The following NXN variants were observed in gnomAD, a reference collection of about 807,000 sequenced individuals.
NXN encodes the protein nucleoredoxin.
A neutral mutation model predicts 48.6 loss-of-function variants in NXN; 16 were observed. The ratio of observed to expected loss-of-function variants is 0.33; its 90% CI spans 0.22 to 0.50. The LOEUF is 0.50. NXN is among the 20% of genes least tolerant of loss of function. NXN has a pLI of 0.98. For synonymous variants in NXN, 281 were observed against 269.6 expected (o/e 1.04, Z -0.41); for missense variants, 492 against 605.5 (o/e 0.81, Z 1.97).
intron 1 of NXN, among the ~76,000 whole-genome samples, chr17:939,927 C>G (rs958916436): frequency 6.7e-6 from 1 of 148,662 alleles, no homozygotes; most frequent in African/African-American, 2.5e-5. Flanking sequence ...GCAGTCAACT[C>G]CCGCTTCCAG....
intron 6 of NXN, 56 bp downstream of exon 6, chr17:805,012 C>T (rs981156423): frequency 3.3e-6 from 5 of 1,513,258 alleles, no homozygotes; most frequent in Non-Finnish European, 4.5e-6. Flanking sequence ...CAAGTGAGGC[C>T]CCTCCTGTCC....
At chr17:833,848 C>T (rs1238501564) in intron 1 of NXN, among the ~76,000 whole-genome samples, 2 of 151,904 alleles carry the variant, frequency 1.3e-5, no homozygotes, top group South Asian at 2.1e-4. Context: ...CAGGATCTGC[C>T]GAAAACCTAA....
chr17:841,782 G>A (rs902875591), intron 1 of NXN, among the ~76,000 whole-genome samples: 1 of 151,978 alleles, frequency 6.6e-6, no homozygotes, highest in Non-Finnish European at 1.5e-5. Context: ...GTGCGGCAAA[G>A]GCACAAACTG....
intron 1 of NXN, among the ~76,000 whole-genome samples, chr17:950,094 C>T (rs1317438570): frequency 6.6e-6 from 1 of 152,158 alleles, no homozygotes; most frequent in Non-Finnish European, 1.5e-5. Flanking sequence ...GAAGGCAGTT[C>T]CATCCACCTT....
intron 1 of NXN, among the ~76,000 whole-genome samples, chr17:954,091 C>T (rs2069141354): frequency 6.6e-6 from 1 of 152,180 alleles, no homozygotes; most frequent in African/African-American, 2.4e-5. Flanking sequence ...ACGATTCTCA[C>T]TCCTGGCCAG....
chr17:813,816 A>G (rs936138670), intron 5 of NXN, among the ~76,000 whole-genome samples: 8 of 152,074 alleles, frequency 5.3e-5, no homozygotes, highest in Admixed American at 4.6e-4. Flanking sequence ...AAATACAAAA[A>G]TTAGCTGGGC....
intron 1 of NXN, among the ~76,000 whole-genome samples, chr17:973,389 C>A (rs1336465948): frequency 6.6e-6 from 1 of 152,212 alleles, no homozygotes; most frequent in Non-Finnish European, 1.5e-5. Flanking sequence ...GCGGAAGACA[C>A]ACCTAATAGC....
At chr17:829,320 A>G (rs1262015938) in intron 1 of NXN, among the ~76,000 whole-genome samples, 2 of 151,482 alleles carry the variant, frequency 1.3e-5, no homozygotes, top group Non-Finnish European at 2.9e-5. Flanking sequence ...CTTGCCGGCT[A>G]ATTTTTCTAT....
Position 822,344 on chromosome 17 carries a change from C to T in NXN, c.713+13G>A, listed in dbSNP as rs373543866. 2.1e-5 allele frequency: 34 copies of T among 1,597,464 alleles called. No homozygotes were observed. Among genetic ancestry groups the T allele is most frequent in the South Asian group, 7.7e-5 (7 of 90,726 alleles). The stretch of plus-strand genomic sequence containing the variant: ...TACAGAAAAGGGGCCCAGCACTTCA[C>T]GGCACGACTGACCTGTCTGCACTAA... On this transcript the variant is annotated intron_variant, in intron 4 of 7. Transcript: ENST00000336868.
chr17:863,466 C>T (rs1189573573), intron 1 of NXN, among the ~76,000 whole-genome samples: 1 of 151,340 alleles, frequency 6.6e-6, no homozygotes, highest in Non-Finnish European at 1.5e-5. Flanking sequence ...CACGCTCAGC[C>T]GTGTTTTGTT....
chr17:826,405 C>T (rs58845253), intron 1 of NXN, among the ~76,000 whole-genome samples: 5 of 152,178 alleles, frequency 3.3e-5, no homozygotes, highest in African/African-American at 1.2e-4. Context: ...ATAGGGGACT[C>T]AGAGGCGGAG....
intron 1 of NXN, among the ~76,000 whole-genome samples, chr17:842,885 G>A (rs1914411201): frequency 1.3e-5 from 2 of 152,032 alleles, no homozygotes; most frequent in South Asian, 2.1e-4. Flanking sequence ...GTTGCGGTAA[G>A]CCGAGATCGC....
chr17:869,901 C>T (rs868011529), intron 1 of NXN, among the ~76,000 whole-genome samples: 3 of 152,144 alleles, frequency 2.0e-5, no homozygotes, highest in South Asian at 2.1e-4. Context: ...AGGTGGCGTG[C>T]GAGAGCTCTC....
intron 1 of NXN, among the ~76,000 whole-genome samples, chr17:946,069 T>C (rs72812059): frequency 0.03 from 4,519 of 151,490 alleles, 103 homozygotes; most frequent in Non-Finnish European, 0.045. Context: ...AGAAAGTGAG[T>C]TGGGGGAGCT....
At position 958,999 on chromosome 17, in the gene NXN, A is replaced by C; in HGVS notation, c.360+20320T>G. On this transcript the variant is annotated intron_variant, in intron 1 of 7. Coordinates refer to ENST00000336868, the MANE Select transcript of NXN (RefSeq NM_022463.5). The surrounding 1 kb of genome is among the most constrained non-coding windows in gnomAD (Gnocchi z 6.9). ...ATACGAGTTCTTTCATCTTGCAAGA[A>C]AGAATCATGCGGATGTGCGCGGAGC... 4.6e-6 allele frequency: 1 copy of C among 217,442 alleles called. No homozygotes were observed. 13.5% of individuals were successfully genotyped at this position (217,442 alleles called of 1,614,324 possible).
chr17:826,886 A>C (rs913905580), intron 1 of NXN, among the ~76,000 whole-genome samples: 2 of 152,186 alleles, frequency 1.3e-5, no homozygotes, highest in African/African-American at 2.4e-5. Context: ...AAGAGGAATA[A>C]AGCTGACAAA....
At chr17:804,929 G>T in intron 6 of NXN, 139 bp downstream of exon 6, 1 of 903,114 alleles carries the variant, frequency 1.1e-6, no homozygotes, top group Non-Finnish European at 1.7e-6. Flanking sequence ...TCAAAAGCAA[G>T]GCTTCAGGGA....
chr17:869,320 G>A (rs1249754623), intron 1 of NXN, among the ~76,000 whole-genome samples: 1 of 152,162 alleles, frequency 6.6e-6, no homozygotes, highest in Non-Finnish European at 1.5e-5. Flanking sequence ...CAACCCAAGA[G>A]TGATCCAGCT....
intron 1 of NXN, among the ~76,000 whole-genome samples, chr17:950,874 G>A (rs1376721096): frequency 6.6e-6 from 1 of 151,986 alleles, no homozygotes; most frequent in Non-Finnish European, 1.5e-5. Context: ...CACCAAGCCA[G>A]TAAAGACACC....
Sources: gnomAD v4.1 joint callset for allele counts (sites outside exome capture counted in the v4.1 genomes callset) on GRCh38, gnomAD v4.1.1 for gene constraint, Gnocchi (gnomAD v3.1) non-coding constraint, MANE v1.5 for transcripts, NCBI Gene and HGNC (gene_info 2026-07-23, HGNC 2026-07-21) for gene names.